The following SYNE3 variants were observed in gnomAD, a reference collection of about 807,000 sequenced individuals.
The protein encoded by SYNE3 is nesprin-3.
SYNE3 carries 100 observed loss-of-function variants against 111.2 expected under a neutral mutation model. The observed-to-expected ratio is 0.90, with a 90% CI of 0.77 to 1.06. The LOEUF is 1.06. SYNE3 is among the 50% of genes least tolerant of loss of function. The probability of loss-of-function intolerance (pLI) is 0.00; values close to 1 mark genes in which losing one functional copy is unlikely to be tolerated. For missense variants in SYNE3, 1,160 were observed against 1,240.3 expected (o/e 0.94, Z 0.97); for synonymous variants, 547 against 533.9 (o/e 1.02, Z -0.34).
At position 95,433,313 on chromosome 14, in the gene SYNE3, G is replaced by T. The variant is rs199512224; in HGVS notation, c.2635C>A (p.Arg879Ser). The stretch of plus-strand genomic sequence containing the variant: ...GACTTGTACAGCATCCACTGGTAGC[G>T]CAGATCTTCCAGCTCATCCGAGGTC... ...RGTSDELEDLRYQWMLYKSKL... is the reference protein window; with the variant it reads ...RGTSDELEDLSYQWMLYKSKL... Residue 879 changes from arginine (R) to serine (S), a missense_variant, in exon 16 of 18, where the codon CGC becomes AGC. Transcript: ENST00000682763. 2 of 1,614,176 alleles carry T rather than the reference G, an allele frequency of 1.2e-6. No homozygotes were observed. The highest frequency in any genetic ancestry group is 1.1e-5 in the South Asian group (1 of 91,082).
chr14:95,433,168 G>A, intron 16 of SYNE3, 92 bp downstream of exon 16: 1 of 1,519,834 alleles, frequency 6.6e-7, no homozygotes, highest in South Asian at 1.3e-5. Flanking sequence ...AGGGCAGGGT[G>A]GATGCAGGCT....
At chr14:95,438,944 G>C in intron 14 of SYNE3, 89 bp downstream of exon 14, 2 of 1,555,224 alleles carry the variant, frequency 1.3e-6, no homozygotes, top group Admixed American at 3.4e-5. Flanking sequence ...TGTTGCCCCA[G>C]ACAGGGAGGG....
At chr14:95,444,164 A>G in intron 10 of SYNE3, 1 of 371,926 alleles carries the variant, frequency 2.7e-6, no homozygotes. Context: ...AGTTGGTTTA[A>G]CTGAACACCT....
intron 8 of SYNE3, among the ~76,000 whole-genome samples, chr14:95,447,835 C>T (rs1233566719): frequency 6.6e-6 from 1 of 152,178 alleles, no homozygotes; most frequent in East Asian, 1.9e-4. Context: ...CCTCTTTTGT[C>T]AAATAGGTTC....
At chr14:95,459,237 G>A (rs567024266) in intron 4 of SYNE3, among the ~76,000 whole-genome samples, 1 of 152,286 alleles carries the variant, frequency 6.6e-6, no homozygotes, top group Non-Finnish European at 1.5e-5. Flanking sequence ...CACACATCAA[G>A]AAATATTTGG....
intron 17 of SYNE3, among the ~76,000 whole-genome samples, chr14:95,429,429 G>A (rs991044285): frequency 1.3e-5 from 2 of 152,220 alleles, no homozygotes; most frequent in African/African-American, 4.8e-5. Context: ...GCCCCCAGCA[G>A]CAGCATCACC....
intron 1 of SYNE3, among the ~76,000 whole-genome samples, chr14:95,504,374 C>T (rs1347034442): frequency 1.3e-5 from 2 of 152,254 alleles, no homozygotes; most frequent in Non-Finnish European, 2.9e-5. Context: ...CAGCATTCCT[C>T]CTGGTCCATT....
At chr14:95,510,899 G>A (rs1890700411) in intron 1 of SYNE3, among the ~76,000 whole-genome samples, 1 of 152,244 alleles carries the variant, frequency 6.6e-6, no homozygotes, top group South Asian at 2.1e-4. Flanking sequence ...GCAAGACAGA[G>A]GTAGAGCTTT....
At chr14:95,493,237 A>G (rs955889870) in intron 1 of SYNE3, among the ~76,000 whole-genome samples, 1 of 152,186 alleles carries the variant, frequency 6.6e-6, no homozygotes, top group African/African-American at 2.4e-5. Context: ...AGTACGTTCC[A>G]TTTACTGAGC....
chr14:95,478,549 C>A (rs1889030518), intron 1 of SYNE3, among the ~76,000 whole-genome samples: 1 of 152,160 alleles, frequency 6.6e-6, no homozygotes, highest in African/African-American at 2.4e-5. Context: ...GTCACCACTC[C>A]CTGTAAGGCA....
chr14:95,503,176 A>C (rs179163), intron 1 of SYNE3, among the ~76,000 whole-genome samples: 72,160 of 152,160 alleles, frequency 0.47, 18,922 homozygotes, highest in African/African-American at 0.71. Flanking sequence ...TGCAGCTCAC[A>C]CTGTTTTCTA....
intron 2 of SYNE3, among the ~76,000 whole-genome samples, chr14:95,469,889 TGATGATGAC>T (rs1393536844): frequency 1.6e-5 from 2 of 127,448 alleles, no homozygotes; most frequent in Non-Finnish European, 1.9e-5. Flanking sequence ...ATGATGACGA[TGATGATGAC>T]GATGATGATA....
intron 1 of SYNE3, among the ~76,000 whole-genome samples, chr14:95,489,786 T>C (rs1249165272): frequency 6.6e-6 from 1 of 152,120 alleles, no homozygotes; most frequent in Non-Finnish European, 1.5e-5. Context: ...GGAGCCAGGA[T>C]GGACATCTCT....
intron 1 of SYNE3, among the ~76,000 whole-genome samples, chr14:95,512,594 T>C (rs179154): frequency 0.35 from 53,416 of 150,816 alleles, 10,943 homozygotes; most frequent in Admixed American, 0.46. Flanking sequence ...GGCTCATGCC[T>C]GTAATCCTAG....
intron 1 of SYNE3, among the ~76,000 whole-genome samples, chr14:95,514,298 G>T (rs1357094864): frequency 6.6e-6 from 1 of 152,204 alleles, no homozygotes; most frequent in East Asian, 1.9e-4. Flanking sequence ...GTTGACCAAT[G>T]GGCCACATCA....
At chr14:95,435,061 A>G (rs1283964494) in intron 15 of SYNE3, among the ~76,000 whole-genome samples, 2 of 152,266 alleles carry the variant, frequency 1.3e-5, no homozygotes, top group African/African-American at 4.8e-5. Flanking sequence ...ACAGGCAGAA[A>G]TAATATACAA....
rs1377753260 is a variant in SYNE3, at chr14:95,470,678, A to C, written c.145-2711T>G. ...AAAAACTAAAAATAAGAAAAAAAAG[A>C]GCCGGATGTGGTGGCTCACGCCTGT... On this transcript the variant is annotated intron_variant, in intron 2 of 17. Coordinates refer to ENST00000682763, the MANE Select transcript of SYNE3 (RefSeq NM_152592.6). The surrounding 1 kb of genome is among the most constrained non-coding windows in gnomAD (Gnocchi z 4.2). Among the ~76,000 whole-genome samples, 1 of 148,590 alleles carries C rather than the reference A, an allele frequency of 6.7e-6. No individual in the cohort carries two copies. The highest frequency in any genetic ancestry group is 1.5e-5 in the Non-Finnish European group (1 of 67,432).
chr14:95,473,339 G>A (rs1888650595), intron 2 of SYNE3, among the ~76,000 whole-genome samples: 1 of 152,048 alleles, frequency 6.6e-6, no homozygotes, highest in Non-Finnish European at 1.5e-5. Context: ...CCACCTGGAG[G>A]GAAAGACCCA....
At position 95,470,847 on chromosome 14, in the gene SYNE3, A is replaced by G. The variant is rs1370742877; in HGVS notation, c.145-2880T>C. On this transcript the variant is annotated intron_variant, in intron 2 of 17. Transcript: ENST00000682763. This position sits in a 1 kb window ranked among gnomAD's most constrained non-coding sequence, Gnocchi z 4.2. ...GTGGCGCACACCTGTGATCCTAGCT[A>G]CTCAGGAGGCTGAGGCAGGAGACTT... 7.9e-5 allele frequency among the ~76,000 whole-genome samples: 12 copies of G among 151,922 alleles called. No individual in the cohort carries two copies. In the East Asian group the frequency reaches 2.3e-3, roughly 29 times the overall value.
Sources: gnomAD v4.1 joint callset for allele counts (sites outside exome capture counted in the v4.1 genomes callset) on GRCh38, gnomAD v4.1.1 for gene constraint, Gnocchi (gnomAD v3.1) non-coding constraint, MANE v1.5 for transcripts, NCBI Gene and HGNC (gene_info 2026-07-23, HGNC 2026-07-21) for gene names.